The following NAA50 variants were observed in gnomAD, a reference collection of about 807,000 sequenced individuals.
NAA50 encodes N-alpha-acetyltransferase 50, NatE catalytic subunit, also known as N-alpha-acetyltransferase 50.
Under a neutral mutation model 20.7 loss-of-function variants are expected in NAA50, and 7 were observed. The observed-to-expected ratio is 0.34, with a 90% CI of 0.19 to 0.63. The LOEUF (loss-of-function observed/expected upper bound fraction) is 0.63. NAA50 is among the 30% of genes least tolerant of loss of function. NAA50 has a pLI of 0.75. For synonymous variants in NAA50, 54 were observed against 70.6 expected (o/e 0.77, Z 1.18); for missense variants, 111 against 199.1 (o/e 0.56, Z 2.66).
In NAA50 at chr3:113,718,516, T is replaced by C. The variant is rs1708091718; in HGVS notation, c.*3244A>G. 2 of 152,204 alleles carry C rather than the reference T, an allele frequency of 1.3e-5. No homozygotes were observed. The highest frequency in any genetic ancestry group is 4.1e-4 in the South Asian group (2 of 4,830). The allele number at this position is 152,204 out of a possible 1,614,324, so 9.4% of individuals were successfully genotyped here. ...TAATTATAACAATTTTGACTAGAAA[T>C]ATTAAATACTGAATTCTGTTAAAGA... is the stretch of plus-strand genomic sequence containing the variant. On this transcript the variant is annotated 3_prime_UTR_variant, in exon 5 of 5. Transcript: ENST00000240922.
At chr3:113,744,326 T>G (rs573038624) in intron 1 of NAA50, among the ~76,000 whole-genome samples, 1 of 152,056 alleles carries the variant, frequency 6.6e-6, no homozygotes, top group Non-Finnish European at 1.5e-5. Flanking sequence ...TAGCAAGGCG[T>G]GGTGGTGCGC....
chr3:113,733,293 T>A (rs1708294011), intron 1 of NAA50, among the ~76,000 whole-genome samples: 1 of 152,112 alleles, frequency 6.6e-6, no homozygotes, highest in Admixed American at 6.5e-5. Context: ...AACTGGGAAT[T>A]CTTTATAGCA....
chr3:113,723,053 T>C (rs1708156896), intron 3 of NAA50, 81 bp from the exon 4 acceptor site: 1 of 1,421,802 alleles, frequency 7.0e-7, no homozygotes, highest in Non-Finnish European at 9.3e-7. Context: ...CCATCTGAAC[T>C]ACTTATTGAG....
In NAA50 at chr3:113,736,574, A is replaced by C. The variant is rs548265425; in HGVS notation, c.8+9368T>G. Among the ~76,000 whole-genome samples the C allele has an allele frequency of 1.1e-4, 17 of 152,346 alleles. 1 individual carries two copies. The South Asian group carries it at 3.5e-3, about 32-fold the overall frequency. ...CAGCGATGTCAGATATTATGGACGC[A>C]AATGTTTTTAGCTATTCAACCCATT... On this transcript the variant is annotated intron_variant, in intron 1 of 4. Transcript: ENST00000240922.
rs80303474 is a variant in NAA50 at position 113,736,421 on chromosome 3, T to C, written c.8+9521A>G. On this transcript the variant is annotated intron_variant, in intron 1 of 4. Transcript: ENST00000240922. ...CCTCTTTATAGACTCCCATCGGCTA[T>C]TAATTTGTGCCACAAGATTATAATT... is the stretch of plus-strand genomic sequence containing the variant. Among the ~76,000 whole-genome samples, 1,367 of 152,326 alleles carry C rather than the reference T, an allele frequency of 9.0e-3. 18 individuals are homozygous for C. Among genetic ancestry groups the C allele is most frequent in the African/African-American group, 0.031 (1,293 of 41,568 alleles).
At chr3:113,743,780 T>C (rs1327730378) in intron 1 of NAA50, among the ~76,000 whole-genome samples, 1 of 152,248 alleles carries the variant, frequency 6.6e-6, no homozygotes, top group Non-Finnish European at 1.5e-5. Context: ...GATTCAATAG[T>C]TGTAAGTTTC....
At chr3:113,726,908 C>T (rs1708206143) in intron 1 of NAA50, among the ~76,000 whole-genome samples, 3 of 152,218 alleles carry the variant, frequency 2.0e-5, no homozygotes, top group African/African-American at 7.2e-5. Context: ...GATCTTCCCA[C>T]CTCAGCCTAA....
chr3:113,738,695 G>T (rs1559741868), intron 1 of NAA50, among the ~76,000 whole-genome samples: 1 of 152,158 alleles, frequency 6.6e-6, no homozygotes, highest in Admixed American at 6.5e-5. Flanking sequence ...AAACTTGGTT[G>T]CTTTTAGTTC....
intron 1 of NAA50, chr3:113,741,013 AAC>A (rs1577073405): frequency 1.4e-5 from 7 of 493,748 alleles, no homozygotes; most frequent in Non-Finnish European, 2.4e-5. Flanking sequence ...ACATAACATT[AAC>A]AGTTACTTTT....
At chr3:113,742,935 T>A (rs1386369820) in intron 1 of NAA50, among the ~76,000 whole-genome samples, 1 of 152,204 alleles carries the variant, frequency 6.6e-6, no homozygotes, top group Non-Finnish European at 1.5e-5. Context: ...TGGCATACCT[T>A]CTTGCTTGAA....
intron 1 of NAA50, among the ~76,000 whole-genome samples, chr3:113,727,006 G>A (rs376097006): frequency 6.9e-4 from 105 of 152,254 alleles, no homozygotes; most frequent in African/African-American, 2.4e-3. Context: ...TGCCCAGGCT[G>A]GTCTACAGTT....
At chr3:113,738,123 A>G (rs904885236) in intron 1 of NAA50, among the ~76,000 whole-genome samples, 12 of 152,322 alleles carry the variant, frequency 7.9e-5, no homozygotes, top group East Asian at 3.9e-4. Context: ...AAATCTCAGC[A>G]ATTATATGGT....
rs944959021 is a variant in NAA50 at position 113,716,644 on chromosome 3, C to T, written c.*5116G>A. 2.6e-5 allele frequency: 4 copies of T among 152,194 alleles called. No homozygotes were observed. Among genetic ancestry groups the T allele is most frequent in the Admixed American group, 1.3e-4 (2 of 15,286 alleles). 9.4% of individuals were successfully genotyped at this position (152,194 alleles called of 1,614,324 possible). A position where few individuals can be genotyped will look rare whatever the true frequency, so the allele number is the denominator to read the frequency against. The stretch of plus-strand genomic sequence containing the variant: ...ATTATAATCAGATGTCCTACGAAAG[C>T]TACAGTGATTCAACATGTGCTTTAA... On this transcript the variant is annotated 3_prime_UTR_variant, in exon 5 of 5. Coordinates refer to ENST00000240922, the MANE Select transcript of NAA50 (RefSeq NM_025146.4).
chr3:113,730,642 C>G (rs1708260409), intron 1 of NAA50, among the ~76,000 whole-genome samples: 1 of 152,174 alleles, frequency 6.6e-6, no homozygotes, highest in Non-Finnish European at 1.5e-5. Flanking sequence ...CTTTTCTGTT[C>G]CCCAAAGTTT....
In NAA50 at chr3:113,739,253, T is replaced by C. The variant is rs186106770; in HGVS notation, c.8+6689A>G. Among the ~76,000 whole-genome samples the C allele has an allele frequency of 2.5e-3, 380 of 152,354 alleles. 13 individuals are homozygous for C. The highest frequency in any genetic ancestry group is 0.024 in the Admixed American group (363 of 15,304). ...TCGCAAAGAAAATTTATACCATTCA[T>C]GGCTGAAATGTCAGCCACAATATGT... On this transcript the variant is annotated intron_variant, in intron 1 of 4. Transcript: ENST00000240922.
At chr3:113,723,918 GA>G in intron 2 of NAA50, 40 bp downstream of exon 2, 1 of 1,490,556 alleles carries the variant, frequency 6.7e-7, no homozygotes, top group Non-Finnish European at 8.9e-7. Flanking sequence ...AGAACAAAAA[GA>G]AAGAAAAGAA....
chr3:113,741,983 C>T (rs533017742), intron 1 of NAA50, among the ~76,000 whole-genome samples: 1 of 152,114 alleles, frequency 6.6e-6, no homozygotes, highest in Non-Finnish European at 1.5e-5. Flanking sequence ...AATTACTTCC[C>T]TTTTATTTTT....
chr3:113,730,156 C>A (rs979329217), intron 1 of NAA50, among the ~76,000 whole-genome samples: 5 of 152,004 alleles, frequency 3.3e-5, no homozygotes, highest in African/African-American at 1.2e-4. Context: ...AAAAAATTAG[C>A]CAGGTGTGGT....
chr3:113,723,116 T>C (rs1014413304), intron 3 of NAA50, 144 bp from the exon 4 acceptor site: 4 of 1,200,254 alleles, frequency 3.3e-6, no homozygotes, highest in Non-Finnish European at 4.5e-6. Context: ...TCCAAAGTTG[T>C]GTTCTCTCTC....
Sources: gnomAD v4.1 joint callset for allele counts (sites outside exome capture counted in the v4.1 genomes callset) on GRCh38, gnomAD v4.1.1 for gene constraint, MANE v1.5 for transcripts, NCBI Gene and HGNC (gene_info 2026-07-23, HGNC 2026-07-21) for gene names.